The following PDE7B variants were observed in gnomAD, a reference collection of about 807,000 sequenced individuals.
PDE7B encodes the protein 3',5'-cyclic-AMP phosphodiesterase 7B.
PDE7B carries 29 observed loss-of-function variants against 56.2 expected under a neutral mutation model. The observed-to-expected ratio is 0.52, with a 90% CI of 0.38 to 0.70. The LOEUF is 0.70. Among genes scored for constraint, PDE7B ranks in the 30% least tolerant of loss-of-function variants. The probability of loss-of-function intolerance (pLI) is 0.00; values close to 1 mark genes in which losing one functional copy is unlikely to be tolerated. For synonymous variants in PDE7B, 197 were observed against 196.9 expected, an observed-to-expected ratio of 1.00 and a Z score of 0.00; for missense variants, 490 against 565.0, an observed-to-expected ratio of 0.87 and a Z score of 1.35.
chr6:136,194,858 T>C lies in PDE7B; in HGVS notation c.*3018T>C, dbSNP rs1779288640. On this transcript the variant is annotated 3_prime_UTR_variant, in exon 13 of 13. Coordinates refer to ENST00000308191, the MANE Select transcript of PDE7B (RefSeq NM_018945.4). ...GTGAACTGAGATCGCACCACTGCAC[T>C]CCAGCCTGGCAACAGAGCTAGAATC... 6.6e-6 allele frequency: 1 copy of C among 152,208 alleles called. No homozygotes were observed. 9.4% of individuals were successfully genotyped at this position (152,208 alleles called of 1,614,324 possible). A position where few individuals can be genotyped will look rare whatever the true frequency, so the allele number is the denominator to read the frequency against.
intron 1 of PDE7B, among the ~76,000 whole-genome samples, chr6:135,922,318 A>G (rs1211339937): frequency 6.6e-6 from 1 of 152,216 alleles, no homozygotes; most frequent in Non-Finnish European, 1.5e-5. Flanking sequence ...TACTAGGTTC[A>G]GTAGTGAAAC....
chr6:136,054,524 A>T (rs1776693986), intron 2 of PDE7B, among the ~76,000 whole-genome samples: 2 of 152,110 alleles, frequency 1.3e-5, no homozygotes, highest in Non-Finnish European at 2.9e-5. Flanking sequence ...CTTAGGATTG[A>T]CTTGGCAATG....
At chr6:136,012,771 T>C (rs1308752054) in intron 2 of PDE7B, 1 of 152,146 alleles carries the variant, frequency 6.6e-6, no homozygotes. Context: ...TAGTCAAACA[T>C]ATAAGGAAAA....
chr6:136,168,932 G>T (rs2128449507), intron 8 of PDE7B, among the ~76,000 whole-genome samples: 1 of 152,190 alleles, frequency 6.6e-6, no homozygotes, highest in South Asian at 2.1e-4. Flanking sequence ...TATAATTCCA[G>T]GTATTTATCA....
At chr6:136,189,616 G>A (rs1291435115) in intron 12 of PDE7B, among the ~76,000 whole-genome samples, 1 of 152,100 alleles carries the variant, frequency 6.6e-6, no homozygotes, top group Non-Finnish European at 1.5e-5. Context: ...TAAATCAAAT[G>A]AAGCTCTAAT....
At position 135,876,317 on chromosome 6, in the gene PDE7B, C is replaced by T. The variant is rs146249406; in HGVS notation, c.21+24298C>T. Among the ~76,000 whole-genome samples the T allele has an allele frequency of 6.9e-3, 1,046 of 152,302 alleles. 3 individuals are homozygous for T. Among genetic ancestry groups the T allele is most frequent in the Middle Eastern group, 0.014 (4 of 294 alleles). On this transcript the variant is annotated intron_variant, in intron 1 of 12. Coordinates refer to ENST00000308191, the MANE Select transcript of PDE7B (RefSeq NM_018945.4). ...GGCTGTCGGCTGTCAGCTAACTGCA[C>T]GCCTGGTAGCAGCTCCCCTTTAAGA...
At chr6:136,093,662 C>T (rs1000285318) in intron 2 of PDE7B, among the ~76,000 whole-genome samples, 16 of 152,210 alleles carry the variant, frequency 1.1e-4, no homozygotes, top group Middle Eastern at 3.4e-3. Flanking sequence ...GTCTACACCA[C>T]TGAGTGAGAA....
intron 2 of PDE7B, among the ~76,000 whole-genome samples, chr6:136,078,598 G>A (rs1299154130): frequency 6.6e-6 from 1 of 151,014 alleles, no homozygotes; most frequent in Non-Finnish European, 1.5e-5. Flanking sequence ...AAAAAAAAAG[G>A]TATTATGTAA....
intron 10 of PDE7B, among the ~76,000 whole-genome samples, chr6:136,179,634 T>C (rs1186381560): frequency 6.6e-6 from 1 of 152,208 alleles, no homozygotes; most frequent in African/African-American, 2.4e-5. Context: ...TAAAATCAGC[T>C]ACTGCAATAC....
At chr6:136,125,999 A>G (rs1443799308) in intron 3 of PDE7B, among the ~76,000 whole-genome samples, 1 of 152,192 alleles carries the variant, frequency 6.6e-6, no homozygotes, top group Non-Finnish European at 1.5e-5. Flanking sequence ...ATAAGGCCCT[A>G]GCTTTTAATA....
At chr6:135,867,965 G>T (rs900997462) in intron 1 of PDE7B, among the ~76,000 whole-genome samples, 1 of 151,784 alleles carries the variant, frequency 6.6e-6, no homozygotes, top group Non-Finnish European at 1.5e-5. Context: ...AATGCAAAAA[G>T]GTAATCTAAG....
intron 1 of PDE7B, among the ~76,000 whole-genome samples, chr6:135,864,073 C>T (rs1051134579): frequency 6.6e-6 from 1 of 151,948 alleles, no homozygotes; most frequent in African/African-American, 2.4e-5. Context: ...GCCCCCTTTC[C>T]GTTAGCTTTA....
chr6:136,059,694 T>G (rs973088966), intron 2 of PDE7B, among the ~76,000 whole-genome samples: 5 of 152,198 alleles, frequency 3.3e-5, no homozygotes, highest in Non-Finnish European at 7.3e-5. Flanking sequence ...CAAAGTCTAC[T>G]CGATTAATCT....
At chr6:135,854,218 A>G (rs1006540645) in intron 1 of PDE7B, among the ~76,000 whole-genome samples, 2 of 152,200 alleles carry the variant, frequency 1.3e-5, no homozygotes, top group African/African-American at 4.8e-5. Context: ...CTGTTTGTTG[A>G]CTCACAGAAG....
intron 2 of PDE7B, chr6:136,037,774 C>G: frequency 1.0e-6 from 1 of 985,410 alleles, no homozygotes; most frequent in Non-Finnish European, 1.2e-6. Context: ...TCCTTAAGAG[C>G]TAAGCCGACA....
At chr6:135,944,027 G>A (rs7774640) in intron 1 of PDE7B, among the ~76,000 whole-genome samples, 57,399 of 151,944 alleles carry the variant, frequency 0.38, 11,075 homozygotes, top group Admixed American at 0.52. Context: ...AGTTGGTCTC[G>A]ATATTTCAGG....
chr6:136,116,976 C>T (rs1440963426), intron 3 of PDE7B: 1 of 152,164 alleles, frequency 6.6e-6, no homozygotes, highest in African/African-American at 2.4e-5. Flanking sequence ...ACTATTTAGA[C>T]ATAAGAGTTC....
At chr6:135,908,441 A>G (rs927141465) in intron 1 of PDE7B, among the ~76,000 whole-genome samples, 2 of 152,028 alleles carry the variant, frequency 1.3e-5, no homozygotes, top group African/African-American at 4.8e-5. Flanking sequence ...CTTAGAAACT[A>G]TTGTCATCAC....
At chr6:136,025,383 T>C (rs1776134163) in intron 2 of PDE7B, among the ~76,000 whole-genome samples, 1 of 152,212 alleles carries the variant, frequency 6.6e-6, no homozygotes, top group Non-Finnish European at 1.5e-5. Flanking sequence ...AATGGAATCA[T>C]TGGACTTCAC....
Sources: allele counts gnomAD v4.1 joint callset (sites outside exome capture counted in the v4.1 genomes callset), GRCh38; gene constraint gnomAD v4.1.1; transcripts MANE v1.5; gene names NCBI Gene and HGNC (gene_info 2026-07-23, HGNC 2026-07-21).